The following PCDHGA12 variants were observed in gnomAD, a reference collection of about 807,000 sequenced individuals.
PCDHGA12 encodes the protein protocadherin gamma subfamily A, 12.
A neutral mutation model predicts 61.1 loss-of-function variants in PCDHGA12; 43 were observed. The observed-to-expected ratio is 0.70, with a 90% CI of 0.55 to 0.91. The LOEUF (loss-of-function observed/expected upper bound fraction) is 0.91. Ranked by LOEUF, PCDHGA12 falls within the 40% of genes least tolerant of loss-of-function variation. The pLI is 0.00. For missense variants in PCDHGA12, 1,236 were observed against 1,227.7 expected, an observed-to-expected ratio of 1.01 and a Z score of -0.10; for synonymous variants, 520 against 542.9, an observed-to-expected ratio of 0.96 and a Z score of 0.59.
intron 3 of PCDHGA12, among the ~76,000 whole-genome samples, chr5:141,507,500 A>G (rs2099861039): frequency 6.6e-6 from 1 of 152,206 alleles, no homozygotes; most frequent in Admixed American, 6.5e-5. Flanking sequence ...GAGCTGTCCC[A>G]GGTCTGGTGG....
intron 2 of PCDHGA12, among the ~76,000 whole-genome samples, chr5:141,500,453 C>T (rs1403599390): frequency 6.6e-6 from 1 of 152,130 alleles, no homozygotes; most frequent in South Asian, 2.1e-4. Context: ...TCGTGATCCG[C>T]CCGCCTCGGC....
intron 1 of PCDHGA12, among the ~76,000 whole-genome samples, chr5:141,456,276 C>T (rs1319517390): frequency 1.3e-5 from 2 of 152,146 alleles, no homozygotes; most frequent in South Asian, 4.1e-4. Flanking sequence ...CTACTTCCTG[C>T]TGAAAAGGGG....
chr5:141,490,933 C>T lies in PCDHGA12; in HGVS notation c.2425-3874C>T, dbSNP rs781291690. ...CGAGAATGATAATGCCCCAGCTGTG[C>T]TGCACCCACGGCCAGACTGGGAACA... On this transcript the variant is annotated intron_variant, in intron 1 of 3. Transcript: ENST00000252085. The surrounding 1 kb of genome is among the most constrained non-coding windows in gnomAD (Gnocchi z 5.4). 5.0e-6 allele frequency: 8 copies of T among 1,613,702 alleles called. No individual in the cohort carries two copies. The highest frequency in any genetic ancestry group is 5.9e-6 in the Non-Finnish European group (7 of 1,179,770).
chr5:141,477,565 C>T lies in PCDHGA12; in HGVS notation c.2425-17242C>T, dbSNP rs1168703868. 3.1e-6 allele frequency: 5 copies of T among 1,614,146 alleles called. No homozygotes were observed. The highest frequency in any genetic ancestry group is 4.2e-6 in the Non-Finnish European group (5 of 1,180,030). On this transcript the variant is annotated intron_variant, in intron 1 of 3. Transcript: ENST00000252085. The surrounding 1 kb of genome is among the most constrained non-coding windows in gnomAD (Gnocchi z 4.9). ...CAATACTAAACCTAAGTGTCTGGGA[C>T]CCCGACGCCCCGCAGAATGCTCGGC... is the stretch of plus-strand genomic sequence containing the variant.
Position 141,489,153 on chromosome 5 carries a change from G to T in PCDHGA12, c.2425-5654G>T. 1 of 935,828 alleles carries T rather than the reference G, an allele frequency of 1.1e-6. No individual in the cohort carries two copies. Among genetic ancestry groups the T allele is most frequent in the South Asian group, 1.8e-5 (1 of 55,006 alleles). 58.0% of individuals were successfully genotyped at this position (935,828 alleles called of 1,614,324 possible). A position where few individuals can be genotyped will look rare whatever the true frequency, so the allele number is the denominator to read the frequency against. Reference sequence around the variant, plus strand: ...TTTAAGAGGCTGGAAGGAGACATAAGAGACTTCAGCTGCTGCATTCCAAGC... The same window carrying T: ...TTTAAGAGGCTGGAAGGAGACATAATAGACTTCAGCTGCTGCATTCCAAGC... On this transcript the variant is annotated intron_variant, in intron 1 of 3. Transcript: ENST00000252085. The surrounding 1 kb of genome is among the most constrained non-coding windows in gnomAD (Gnocchi z 4.5).
At chr5:141,505,599 G>T in intron 3 of PCDHGA12, 118 bp downstream of exon 3, 1 of 1,555,586 alleles carries the variant, frequency 6.4e-7, no homozygotes, top group Non-Finnish European at 8.7e-7. Context: ...CAGATCTTTC[G>T]GCAGGTCTGA....
intron 1 of PCDHGA12, among the ~76,000 whole-genome samples, chr5:141,456,124 C>G (rs2098844023): frequency 6.6e-6 from 1 of 152,072 alleles, no homozygotes. Context: ...GTCTCCATCT[C>G]CTGACCTCCT....
At chr5:141,474,215 A>G (rs1393533136) in intron 1 of PCDHGA12, among the ~76,000 whole-genome samples, 1 of 152,216 alleles carries the variant, frequency 6.6e-6, no homozygotes, top group East Asian at 1.9e-4. Context: ...CAAAAACCAG[A>G]TTGTGAATTA....
chr5:141,486,189 A>T lies in PCDHGA12; in HGVS notation c.2425-8618A>T, dbSNP rs761466492. 6.2e-7 allele frequency: 1 copy of T among 1,614,062 alleles called. No individual in the cohort carries two copies. Among genetic ancestry groups the T allele is most frequent in the Non-Finnish European group, 8.5e-7 (1 of 1,179,994 alleles). ...GAGCAACATTGCAGCCTTCGAGTGG[A>T]TCTGCTGGACGTAAATGACAATGCC... is the stretch of plus-strand genomic sequence containing the variant. On this transcript the variant is annotated intron_variant, in intron 1 of 3. Coordinates refer to ENST00000252085, the MANE Select transcript of PCDHGA12 (RefSeq NM_003735.3). The surrounding 1 kb of genome is among the most constrained non-coding windows in gnomAD (Gnocchi z 5.0).
chr5:141,460,587 T>C (rs1461971599), intron 1 of PCDHGA12, among the ~76,000 whole-genome samples: 1 of 152,170 alleles, frequency 6.6e-6, no homozygotes, highest in Non-Finnish European at 1.5e-5. Flanking sequence ...TGTGGGTTTT[T>C]TCTGGGCTCT....
At chr5:141,506,735 G>A (rs1467217136) in intron 3 of PCDHGA12, among the ~76,000 whole-genome samples, 1 of 152,098 alleles carries the variant, frequency 6.6e-6, no homozygotes, top group Non-Finnish European at 1.5e-5. Context: ...TTAGAATAAT[G>A]CCTATTAATA....
At chr5:141,507,120 T>TA (rs1256499995) in intron 3 of PCDHGA12, 2 of 152,206 alleles carry the variant, frequency 1.3e-5, no homozygotes, top group African/African-American at 4.8e-5. Context: ...TGGCTGCCTT[T>TA]GGATCCAGCC....
intron 1 of PCDHGA12, among the ~76,000 whole-genome samples, chr5:141,455,445 C>T (rs1175054167): frequency 6.6e-6 from 1 of 152,134 alleles, no homozygotes; most frequent in Non-Finnish European, 1.5e-5. Context: ...TCCCCATCTA[C>T]CGCGGATACC....
rs2097368013 is a variant in PCDHGA12 at position 141,431,382 on chromosome 5, A to G, written c.623A>G (p.His208Arg). 6 of 1,613,756 alleles carry G rather than the reference A, an allele frequency of 3.7e-6. No homozygotes were observed. In the East Asian group the frequency reaches 1.1e-4, roughly 30 times the overall value. Residue 208 changes from histidine to arginine, a missense_variant, in exon 1 of 4, where the codon CAC becomes CGC. His to Arg is a conservative substitution (Grantham distance 29). Transcript: ENST00000252085. This position sits in a 1 kb window ranked among gnomAD's most constrained non-coding sequence, Gnocchi z 4.8. ...CTGGACCGCGAAGAAAAGGCTGCTC[A>G]CCACCTGGTCCTTACGGCCTCCGAC... is the stretch of plus-strand genomic sequence containing the variant. ...RALDREEKAA[H>R]HLVLTASDGG...
intron 1 of PCDHGA12, among the ~76,000 whole-genome samples, chr5:141,468,747 T>A (rs2099176715): frequency 6.6e-6 from 1 of 151,990 alleles, no homozygotes; most frequent in South Asian, 2.1e-4. Context: ...GTGCCTGTAG[T>A]CCCAGCTACT....
rs747159210 is a variant in PCDHGA12, at chr5:141,511,184, A to C, written c.*11A>C. 1.2e-5 allele frequency: 19 copies of C among 1,613,876 alleles called. No homozygotes were observed. In the Admixed American group the frequency reaches 3.2e-4, roughly 27 times the overall value. ...AAGGAGAAGAAGTAACATGGAGGCC[A>C]GGCCAAGAGCCACAGGGCGGCCTCT... is the stretch of plus-strand genomic sequence containing the variant. On this transcript the variant is annotated 3_prime_UTR_variant, in exon 4 of 4. Transcript: ENST00000252085.
At chr5:141,458,080 C>T (rs62379190) in intron 1 of PCDHGA12, among the ~76,000 whole-genome samples, 5,138 of 152,230 alleles carry the variant, frequency 0.034, 100 homozygotes, top group Middle Eastern at 0.088. Flanking sequence ...ACTATATTGC[C>T]GTAAGTTAAG....
chr5:141,435,444 A>G (rs1471113812), intron 1 of PCDHGA12, among the ~76,000 whole-genome samples: 1 of 152,216 alleles, frequency 6.6e-6, no homozygotes, highest in East Asian at 1.9e-4. Flanking sequence ...TTTCATTAAT[A>G]CGATATCTGT....
chr5:141,472,079 G>T (rs2099271048), intron 1 of PCDHGA12, among the ~76,000 whole-genome samples: 1 of 152,124 alleles, frequency 6.6e-6, no homozygotes, highest in African/African-American at 2.4e-5. Flanking sequence ...TTATATCAAT[G>T]AGTACTATTA....
Sources: allele counts gnomAD v4.1 joint callset (sites outside exome capture counted in the v4.1 genomes callset), GRCh38; gene constraint gnomAD v4.1.1; non-coding constraint Gnocchi (gnomAD v3.1); transcripts MANE v1.5; gene names NCBI Gene and HGNC (gene_info 2026-07-23, HGNC 2026-07-21).